KANSL1: variants seen among roughly 807,000 people sequenced by gnomAD.
KANSL1 encodes the protein MLL1/MLL complex subunit KANSL1.
A neutral mutation model predicts 103.6 loss-of-function variants in KANSL1; 22 were observed. The ratio of observed to expected loss-of-function variants is 0.21; its 90% confidence interval spans 0.15 to 0.30. The LOEUF is 0.30. Ranked by LOEUF, KANSL1 falls within the 10% of genes least tolerant of loss-of-function variation. The pLI is 1.00. For synonymous variants in KANSL1, 600 were observed against 527.6 expected, an observed-to-expected ratio of 1.14 and a Z score of -1.88; for missense variants, 1,337 against 1,399.8, an observed-to-expected ratio of 0.96 and a Z score of 0.72.
At chr17:46,164,867 CAGA>C (rs1365810211) in intron 2 of KANSL1, among the ~76,000 whole-genome samples, 2 of 152,332 alleles carry the variant, frequency 1.3e-5, no homozygotes, top group African/African-American at 2.4e-5. Flanking sequence ...TAGTTTTTAG[CAGA>C]AGAAGGGTTT....
chr17:46,069,036 C>G (rs1303523878), intron 4 of KANSL1, among the ~76,000 whole-genome samples: 1 of 152,196 alleles, frequency 6.6e-6, no homozygotes, highest in Non-Finnish European at 1.5e-5. Flanking sequence ...AGCGATTCTC[C>G]TGCTTTGGCC....
At chr17:46,105,815 G>A (rs1229043374) in intron 2 of KANSL1, among the ~76,000 whole-genome samples, 1 of 151,696 alleles carries the variant, frequency 6.6e-6, no homozygotes, top group African/African-American at 2.4e-5. Flanking sequence ...AGGCTGCAGT[G>A]AGTCGAGACT....
Position 46,032,064 on chromosome 17 carries a change from G to C in KANSL1, c.3073C>G (p.Leu1025Val), listed in dbSNP as rs752833970. 6.2e-7 allele frequency: 1 copy of C among 1,614,172 alleles called. No homozygotes were observed. Among genetic ancestry groups the C allele is most frequent in the Non-Finnish European group, 8.5e-7 (1 of 1,180,028 alleles). ...SEDTRCSTPE[L>V]GLDEQSVQPW... ...TCCCTTACCTGTTCATCCAGCCCCAGCTCTGGTGTGGAACAACGGGTATCC... is the reference window on the plus strand; with the variant it reads ...TCCCTTACCTGTTCATCCAGCCCCACCTCTGGTGTGGAACAACGGGTATCC... The change falls in exon 14 of 15, where the codon CTG (leucine) becomes GTG (valine). Residue 1025 changes from leucine to valine, a missense_variant. By Grantham distance (32) the Leu-to-Val change is conservative (BLOSUM62 1). This residue lies in a region of KANSL1 where 780 missense variants were observed against 923.4 expected (regional missense o/e 0.84). Transcript: ENST00000432791.
chr17:46,180,798 G>A (rs1474171977), intron 1 of KANSL1, among the ~76,000 whole-genome samples: 1 of 152,156 alleles, frequency 6.6e-6, no homozygotes. Flanking sequence ...CCAGGAGTTT[G>A]AGACCAGCCT....
intron 1 of KANSL1, among the ~76,000 whole-genome samples, chr17:46,185,608 A>C (rs1169403110): frequency 6.6e-6 from 1 of 152,014 alleles, no homozygotes; most frequent in African/African-American, 2.4e-5. Context: ...CAAAAAAAAA[A>C]CCCTAATTAA....
intron 2 of KANSL1, among the ~76,000 whole-genome samples, chr17:46,145,434 C>T (rs2044647433): frequency 6.6e-6 from 1 of 152,216 alleles, no homozygotes. Flanking sequence ...ATTCTAAATT[C>T]CCCAAACCTT....
At chr17:46,173,476 G>C (rs1188574665) in intron 1 of KANSL1, among the ~76,000 whole-genome samples, 1 of 152,186 alleles carries the variant, frequency 6.6e-6, no homozygotes, top group Non-Finnish European at 1.5e-5. Context: ...ATGTGGTCTG[G>C]GAGCCAAAGG....
intron 2 of KANSL1, among the ~76,000 whole-genome samples, chr17:46,112,876 C>G (rs1460191819): frequency 6.6e-6 from 1 of 152,090 alleles, no homozygotes. Flanking sequence ...CATGCGCCAT[C>G]ACGCCGGGCT....
chr17:46,072,286 A>G (rs989267796), intron 4 of KANSL1, among the ~76,000 whole-genome samples: 2 of 151,826 alleles, frequency 1.3e-5, no homozygotes, highest in Non-Finnish European at 2.9e-5. Context: ...ATAAAATTAA[A>G]CTCTACCTGC....
intron 6 of KANSL1, among the ~76,000 whole-genome samples, chr17:46,065,150 A>T (rs1433185255): frequency 3.9e-5 from 5 of 128,968 alleles, no homozygotes; most frequent in South Asian, 4.8e-4. Context: ...TTTTTTTTTT[A>T]AAGATATGGG....
intron 2 of KANSL1, among the ~76,000 whole-genome samples, chr17:46,120,240 A>G (rs988448272): frequency 6.6e-6 from 1 of 152,216 alleles, no homozygotes; most frequent in Non-Finnish European, 1.5e-5. Flanking sequence ...AGGTATATCA[A>G]CATAGACAAA....
intron 1 of KANSL1, among the ~76,000 whole-genome samples, chr17:46,191,562 T>C (rs1284665141): frequency 6.6e-6 from 1 of 152,244 alleles, no homozygotes; most frequent in Non-Finnish European, 1.5e-5. Context: ...GAAAGGACTT[T>C]CAAAATGAAG....
In KANSL1 at chr17:46,200,065, A is replaced by ACACC. The variant is rs760204883; in HGVS notation, c.-90+23605_-90+23606insGGTG. 1.8e-3 allele frequency among the ~76,000 whole-genome samples: 272 copies of ACACC among 151,300 alleles called. 1 individual carries two copies. Among genetic ancestry groups the ACACC allele is most frequent in the Admixed American group, 0.013 (193 of 15,196 alleles). On this transcript the variant is annotated intron_variant, in intron 1 of 14. Coordinates refer to the KANSL1 transcript ENST00000572904. ...CACACACACACACACACACACACAC[A>ACACC]CCCTGATTATTTTGGTGAATTTTAG...
At chr17:46,079,027 G>A (rs1035589977) in intron 4 of KANSL1, among the ~76,000 whole-genome samples, 3 of 147,558 alleles carry the variant, frequency 2.0e-5, no homozygotes, top group African/African-American at 7.3e-5. Flanking sequence ...AGAATGAAGA[G>A]GTTAAAATAA....
At chr17:46,125,046 AGGAG>A (rs1567702444) in intron 2 of KANSL1, among the ~76,000 whole-genome samples, 2 of 59,456 alleles carry the variant, frequency 3.4e-5, no homozygotes, top group Non-Finnish European at 6.5e-5. Context: ...GGAGGGAGGG[AGGAG>A]GGAGGGAGGA....
chr17:46,186,861 G>C (rs1368573253), intron 1 of KANSL1, among the ~76,000 whole-genome samples: 1 of 152,102 alleles, frequency 6.6e-6, no homozygotes, highest in Non-Finnish European at 1.5e-5. Flanking sequence ...TTGAGTAGCT[G>C]GGACTACAGG....
intron 2 of KANSL1, among the ~76,000 whole-genome samples, chr17:46,129,760 T>A (rs571007726): frequency 6.6e-6 from 1 of 152,192 alleles, no homozygotes; most frequent in South Asian, 2.1e-4. Flanking sequence ...AGATTCAGAT[T>A]GGACAGTCTC....
intron 2 of KANSL1, among the ~76,000 whole-genome samples, chr17:46,155,716 A>G: frequency 6.6e-6 from 1 of 152,196 alleles, no homozygotes; most frequent in Non-Finnish European, 1.5e-5. Flanking sequence ...CCACATAAAC[A>G]CAGAAGAGGA....
intron 2 of KANSL1, among the ~76,000 whole-genome samples, chr17:46,117,226 T>G (rs1470689928): frequency 6.6e-6 from 1 of 152,178 alleles, no homozygotes; most frequent in Non-Finnish European, 1.5e-5. Context: ...TGTTAAGAGA[T>G]ATTATAACCC....
Sources: gnomAD v4.1 joint callset for allele counts (sites outside exome capture counted in the v4.1 genomes callset) on GRCh38, gnomAD v4.1.1 for gene constraint, gnomAD v4.1.1 regional missense constraint, MANE v1.5 for transcripts, NCBI Gene and HGNC (gene_info 2026-07-23, HGNC 2026-07-21) for gene names.